UPF2: variants seen among roughly 807,000 people sequenced by gnomAD.
UPF2 encodes UPF2 regulator of nonsense mediated mRNA decay.
Under a neutral mutation model 141.4 loss-of-function variants are expected in UPF2, and 17 were observed. The ratio of observed to expected loss-of-function variants is 0.12; its 90% confidence interval spans 0.08 to 0.18. The LOEUF (loss-of-function observed/expected upper bound fraction) is 0.18, where lower values mean the gene tolerates loss of function less well. Among genes scored for constraint, UPF2 ranks in the 10% least tolerant of loss-of-function variants. The probability of loss-of-function intolerance (pLI) is 1.00; values close to 1 mark genes in which losing one functional copy is unlikely to be tolerated. For synonymous variants in UPF2, 540 were observed against 498.0 expected, an observed-to-expected ratio of 1.08 and a Z score of -1.12; for missense variants, 1,152 against 1,515.9, an observed-to-expected ratio of 0.76 and a Z score of 3.99.
Position 12,019,515 on chromosome 10 carries a change from A to G in UPF2, c.1146-5331T>C, listed in dbSNP as rs898482222. On this transcript the variant is annotated intron_variant, in intron 3 of 21. Coordinates refer to ENST00000357604, the MANE Select transcript of UPF2 (RefSeq NM_015542.4). This position sits in a 1 kb window ranked among gnomAD's most constrained non-coding sequence, Gnocchi z 4.5. ...TACTACATGTCTTATAAATTAGTAC[A>G]TTCTCTCCTGCAATATCATTGCACA... Among the ~76,000 whole-genome samples the G allele has an allele frequency of 6.6e-6, 1 of 152,244 alleles. No individual in the cohort carries two copies. Among genetic ancestry groups the G allele is most frequent in the African/African-American group, 2.4e-5 (1 of 41,460 alleles).
At chr10:11,971,517 G>A (rs1286441302) in intron 9 of UPF2, among the ~76,000 whole-genome samples, 1 of 152,132 alleles carries the variant, frequency 6.6e-6, no homozygotes, top group Non-Finnish European at 1.5e-5. Flanking sequence ...CACCCAAAGT[G>A]CTGGGATTAC....
rs151248008 is a variant in UPF2, at chr10:11,952,200, G to A, written c.2900C>T (p.Pro967Leu). 2.5e-6 allele frequency: 4 copies of A among 1,612,918 alleles called. No individual in the cohort carries two copies. Among genetic ancestry groups the A allele is most frequent in the African/African-American group, 1.3e-5 (1 of 74,886 alleles). The change falls in exon 15 of 22, where the codon CCA (proline) becomes CTA (leucine). Residue 967 changes from proline to leucine, a missense_variant. Around this residue, in one of 4 missense-constraint regions of UPF2, gnomAD observed 739 missense variants for 1,032.2 expected, o/e 0.72. Coordinates refer to ENST00000357604, the MANE Select transcript of UPF2 (RefSeq NM_015542.4). ...KSLEVWTKDH[P>L]FPIDIDYMIS... is the part of the protein sequence containing the mutation. ...CATGTAATCTATATCAATAGGAAAT[G>A]GATGGTCTTTTGTCCAAACCTCCAA...
At chr10:11,996,544 A>G (rs1005013508) in intron 8 of UPF2, among the ~76,000 whole-genome samples, 1 of 152,092 alleles carries the variant, frequency 6.6e-6, no homozygotes, top group African/African-American at 2.4e-5. Context: ...GGGTTTCACC[A>G]TGTTGGTCAG....
At chr10:12,007,031 A>G (rs1014300240) in intron 4 of UPF2, among the ~76,000 whole-genome samples, 1 of 152,190 alleles carries the variant, frequency 6.6e-6, no homozygotes, top group Non-Finnish European at 1.5e-5. Flanking sequence ...CTCCAGACAG[A>G]GGAACAAGTT....
Position 11,936,491 on chromosome 10 carries a change from A to G in UPF2, c.3546+54T>C, listed in dbSNP as rs1164569994. 20 of 1,514,388 alleles carry G rather than the reference A, an allele frequency of 1.3e-5. No homozygotes were observed. The East Asian group carries it at 4.1e-4, about 31-fold the overall frequency. The allele number at this position is 1,514,388 out of a possible 1,614,324, so 93.8% of individuals were successfully genotyped here. A position where few individuals can be genotyped will look rare whatever the true frequency, so the allele number is the denominator to read the frequency against. ...CCTTGTAGGTCAAAGATAAGTTAAA[A>G]CCTAACTGTATAACTCACAATCAGC... On this transcript the variant is annotated intron_variant, in intron 19 of 21. Coordinates refer to ENST00000357604, the MANE Select transcript of UPF2 (RefSeq NM_015542.4). This position sits in a 1 kb window ranked among gnomAD's most constrained non-coding sequence, Gnocchi z 6.6.
In UPF2 at chr10:11,997,956, T is replaced by C. The variant is rs543144759; in HGVS notation, c.1759-199A>G. On this transcript the variant is annotated intron_variant, in intron 7 of 21. Transcript: ENST00000357604. ...AGTTACCAAGAGCCAAGAAAATTAC[T>C]AATGCTAATAAGGATAACCAAAAAG... 5.9e-5 allele frequency among the ~76,000 whole-genome samples: 9 copies of C among 152,280 alleles called. No homozygotes were observed. The South Asian group carries it at 1.9e-3, about 32-fold the overall frequency.
chr10:11,987,820 AT>A lies in UPF2; in HGVS notation c.1845-8656del, dbSNP rs372706976. 2.1e-3 allele frequency among the ~76,000 whole-genome samples: 295 copies of A among 143,174 alleles called. 1 individual carries two copies. Among genetic ancestry groups the A allele is most frequent in the African/African-American group, 6.1e-3 (243 of 39,622 alleles). 93.9% of individuals were successfully genotyped at this position (143,174 alleles called of 152,430 possible). A position where few individuals can be genotyped will look rare whatever the true frequency, so the allele number is the denominator to read the frequency against. On this transcript the variant is annotated intron_variant, in intron 8 of 21. Transcript: ENST00000357604. ...AAGGATATAATGATAGTGTTTTGAG[AT>A]TTTTTTTCATCATTATTTATTTAAT...
Position 11,956,564 on chromosome 10 carries a change from C to T in UPF2, c.2371-41G>A, listed in dbSNP as rs1284291288. 7 of 1,576,390 alleles carry T rather than the reference C, an allele frequency of 4.4e-6. No homozygotes were observed. The highest frequency in any genetic ancestry group is 6.0e-6 in the Non-Finnish European group (7 of 1,158,704). ...TTTGTTCAAATTATTAAGATAAGTACACAGTAGCCTGACCAAATAATACAG... is the reference window on the plus strand; with the variant it reads ...TTTGTTCAAATTATTAAGATAAGTATACAGTAGCCTGACCAAATAATACAG... On this transcript the variant is annotated intron_variant, in intron 12 of 21. Coordinates refer to ENST00000357604, the MANE Select transcript of UPF2 (RefSeq NM_015542.4). This position sits in a 1 kb window ranked among gnomAD's most constrained non-coding sequence, Gnocchi z 4.2.
At chr10:11,988,418 C>T (rs1448275415) in intron 8 of UPF2, among the ~76,000 whole-genome samples, 1 of 152,100 alleles carries the variant, frequency 6.6e-6, no homozygotes, top group Non-Finnish European at 1.5e-5. Context: ...CTCAACTGAT[C>T]CTCCCACCTT....
Position 11,921,580 on chromosome 10 carries a change from G to A in UPF2, c.3810-273C>T, listed in dbSNP as rs1832645390. 6.6e-6 allele frequency among the ~76,000 whole-genome samples: 1 copy of A among 152,232 alleles called. No homozygotes were observed. The highest frequency in any genetic ancestry group is 2.4e-5 in the African/African-American group (1 of 41,464). ...TAGGTATTACAAGTAATGTAGAGAT[G>A]ATGTAAAGTACACGGGAGGATGTGC... On this transcript the variant is annotated intron_variant, in intron 21 of 21. Transcript: ENST00000357604. This position sits in a 1 kb window ranked among gnomAD's most constrained non-coding sequence, Gnocchi z 5.9.
intron 21 of UPF2, among the ~76,000 whole-genome samples, chr10:11,929,095 C>T (rs186886079): frequency 1.1e-4 from 17 of 149,774 alleles, no homozygotes; most frequent in African/African-American, 3.7e-4. Context: ...TGCAGTGAGC[C>T]GAGATCACGC....
chr10:12,018,932 A>G (rs2131292709), intron 3 of UPF2, among the ~76,000 whole-genome samples: 1 of 152,336 alleles, frequency 6.6e-6, no homozygotes, highest in East Asian at 1.9e-4. Context: ...TAAATATTAC[A>G]CAACACATCT....
At chr10:11,944,358 G>C (rs1489948386) in intron 16 of UPF2, among the ~76,000 whole-genome samples, 1 of 152,090 alleles carries the variant, frequency 6.6e-6, no homozygotes, top group Non-Finnish European at 1.5e-5. Context: ...GCCAGACGTG[G>C]TGGCAGGCAC....
At chr10:11,974,715 C>T (rs940213533) in intron 9 of UPF2, among the ~76,000 whole-genome samples, 3 of 152,088 alleles carry the variant, frequency 2.0e-5, no homozygotes, top group Non-Finnish European at 4.4e-5. Flanking sequence ...GCCTTGCATC[C>T]CAGGGATGAA....
intron 17 of UPF2, 42 bp from the exon 18 acceptor site, chr10:11,942,805 CTG>C: frequency 1.3e-6 from 2 of 1,581,520 alleles, no homozygotes; most frequent in East Asian, 4.5e-5. Flanking sequence ...GAAATTTTAA[CTG>C]TAATGTTTTC....
At chr10:11,932,752 T>C (rs1475765046) in intron 19 of UPF2, among the ~76,000 whole-genome samples, 1 of 152,152 alleles carries the variant, frequency 6.6e-6, no homozygotes, top group Admixed American at 6.5e-5. Context: ...ATAATAGCAA[T>C]GAAGGTGATT....
At chr10:11,971,346 C>A (rs558521681) in intron 9 of UPF2, among the ~76,000 whole-genome samples, 1 of 152,176 alleles carries the variant, frequency 6.6e-6, no homozygotes, top group African/African-American at 2.4e-5. Flanking sequence ...CCTCCGCCTC[C>A]CGGGTTCAAG....
chr10:12,042,882 T>TCCGCCCGCCAGCCCTC (rs1244434993), upstream of UPF2: 1 of 150,622 alleles, frequency 6.6e-6, no homozygotes, highest in African/African-American at 2.4e-5. The surrounding 1 kb of genome is among the most constrained non-coding windows in gnomAD (Gnocchi z 5.5). Context: ...CCCTCCTCCC[T>TCCGCCCGCCAGCCCTC]CCGCCCGCCA....
Position 11,921,205 on chromosome 10 carries a change from G to A in UPF2, c.*93C>T. 2 of 1,556,232 alleles carry A rather than the reference G, an allele frequency of 1.3e-6. No homozygotes were observed. The highest frequency in any genetic ancestry group is 4.5e-5 in the East Asian group (2 of 44,602). ...TCGCAACTCTCTAGACCGACCTGCT[G>A]AGATGTGTCCACTGCTCTCATTCAA... On this transcript the variant is annotated 3_prime_UTR_variant, in exon 22 of 22. Coordinates refer to ENST00000357604, the MANE Select transcript of UPF2 (RefSeq NM_015542.4). The surrounding 1 kb of genome is among the most constrained non-coding windows in gnomAD (Gnocchi z 5.9).
Sources: gnomAD v4.1 joint callset for allele counts (sites outside exome capture counted in the v4.1 genomes callset) on GRCh38, gnomAD v4.1.1 for gene constraint, gnomAD v4.1.1 regional missense constraint, Gnocchi (gnomAD v3.1) non-coding constraint, MANE v1.5 for transcripts, NCBI Gene and HGNC (gene_info 2026-07-23, HGNC 2026-07-21) for gene names.